DNER: variants seen among roughly 807,000 people sequenced by gnomAD.
DNER encodes the protein delta/notch like EGF repeat containing.
A neutral mutation model predicts 78.2 loss-of-function variants in DNER; 33 were observed. The ratio of observed to expected loss-of-function variants is 0.42; its 90% CI spans 0.32 to 0.56. The LOEUF is 0.56. Among genes scored for constraint, DNER ranks in the 20% least tolerant of loss-of-function variants. The pLI is 0.11. For missense variants in DNER, 918 were observed against 975.3 expected (o/e 0.94, Z 0.78); for synonymous variants, 417 against 384.8 (o/e 1.08, Z -0.98).
chr2:229,694,869 T>C (rs1699637332), intron 1 of DNER, among the ~76,000 whole-genome samples: 1 of 152,148 alleles, frequency 6.6e-6, no homozygotes. Context: ...TGGGAAGGCA[T>C]GATTGTGTTT....
At chr2:229,682,025 A>G (rs1246757446) in intron 1 of DNER, among the ~76,000 whole-genome samples, 1 of 152,232 alleles carries the variant, frequency 6.6e-6, no homozygotes, top group African/African-American at 2.4e-5. Flanking sequence ...AATCAAATGA[A>G]TAGAAATCAT....
chr2:229,612,680 C>T (rs543999396), intron 1 of DNER, among the ~76,000 whole-genome samples: 1 of 152,326 alleles, frequency 6.6e-6, no homozygotes, highest in African/African-American at 2.4e-5. Flanking sequence ...AGTTACCAGG[C>T]TATTTGGCCC....
rs142066500 is a variant in DNER at position 229,385,850 on chromosome 2, G to T, written c.1855+2415C>A. Among the ~76,000 whole-genome samples, 400 of 152,200 alleles carry T rather than the reference G, an allele frequency of 2.6e-3. 4 individuals carry two copies. Among genetic ancestry groups the T allele is most frequent in the Admixed American group, 0.018 (276 of 15,240 alleles). On this transcript the variant is annotated intron_variant, in intron 11 of 12. Transcript: ENST00000341772. ...CAAACAAATGAAAAAAACATTTCAT[G>T]CTCATGGATAGGAAGAATCAATATC...
At chr2:229,617,548 CAA>C (rs11302660) in intron 1 of DNER, among the ~76,000 whole-genome samples, 10 of 151,292 alleles carry the variant, frequency 6.6e-5, no homozygotes, top group African/African-American at 2.4e-4. Context: ...TTCTAACACA[CAA>C]AAAAAAAGTT....
chr2:229,577,749 G>A (rs2154214213), intron 4 of DNER, among the ~76,000 whole-genome samples: 1 of 152,296 alleles, frequency 6.6e-6, no homozygotes, highest in African/African-American at 2.4e-5. Context: ...GTGCCAGTGT[G>A]CTAGTAAGAA....
chr2:229,650,576 T>G (rs977961330), intron 1 of DNER, among the ~76,000 whole-genome samples: 1 of 152,176 alleles, frequency 6.6e-6, no homozygotes, highest in South Asian at 2.1e-4. Context: ...ATTTGGATGC[T>G]AAATCTCAGC....
chr2:229,418,417 G>C (rs112405356), intron 8 of DNER, among the ~76,000 whole-genome samples, 187 bp from the exon 9 acceptor site: 64 of 152,254 alleles, frequency 4.2e-4, no homozygotes, highest in African/African-American at 1.3e-3. Context: ...TGAAGAAAGC[G>C]CCTGTTCTTA....
intron 4 of DNER, among the ~76,000 whole-genome samples, chr2:229,566,555 T>G (rs1697112714): frequency 6.6e-6 from 1 of 152,170 alleles, no homozygotes. Flanking sequence ...TAGTTCATAT[T>G]AGCATTTGCA....
chr2:229,645,743 C>T (rs879473440), intron 1 of DNER, among the ~76,000 whole-genome samples: 2 of 152,196 alleles, frequency 1.3e-5, no homozygotes, highest in African/African-American at 2.4e-5. Context: ...CATTCATCCA[C>T]TCAGTAAAAT....
At chr2:229,671,923 C>G (rs1699216216) in intron 1 of DNER, among the ~76,000 whole-genome samples, 1 of 152,178 alleles carries the variant, frequency 6.6e-6, no homozygotes, top group Non-Finnish European at 1.5e-5. Flanking sequence ...ACAATATTAG[C>G]TGTTATACTT....
intron 1 of DNER, among the ~76,000 whole-genome samples, chr2:229,640,357 G>A (rs995118666): frequency 6.6e-6 from 1 of 152,168 alleles, no homozygotes; most frequent in African/African-American, 2.4e-5. Context: ...ATAGAAATGT[G>A]CCAAATTATT....
chr2:229,586,649 A>T (rs1697508567), intron 3 of DNER: 1 of 984,534 alleles, frequency 1.0e-6, no homozygotes, highest in Non-Finnish European at 1.2e-6. Flanking sequence ...CTCACAGCCC[A>T]ATGCTTCAGC....
At chr2:229,477,086 AG>A in intron 7 of DNER, 53 bp downstream of exon 7, 1 of 1,386,222 alleles carries the variant, frequency 7.2e-7, no homozygotes, top group Non-Finnish European at 1.0e-6. Flanking sequence ...TGATCAAATT[AG>A]TTTATGATTT....
At chr2:229,555,323 C>G (rs1696836788) in intron 4 of DNER, among the ~76,000 whole-genome samples, 1 of 152,130 alleles carries the variant, frequency 6.6e-6, no homozygotes, top group Non-Finnish European at 1.5e-5. Context: ...GGCCCTGAAC[C>G]ATGTAGACAC....
intron 7 of DNER, among the ~76,000 whole-genome samples, chr2:229,469,810 G>T (rs1694885771): frequency 6.6e-6 from 1 of 152,182 alleles, no homozygotes; most frequent in Non-Finnish European, 1.5e-5. Flanking sequence ...GGGCATGGTG[G>T]TGGGTGCCTG....
intron 1 of DNER, among the ~76,000 whole-genome samples, chr2:229,599,245 A>C (rs1340160568): frequency 6.6e-6 from 1 of 152,236 alleles, no homozygotes; most frequent in Non-Finnish European, 1.5e-5. Context: ...GGTATTAAGA[A>C]GGAAGTAAAG....
At chr2:229,556,019 A>G (rs1696849773) in intron 4 of DNER, among the ~76,000 whole-genome samples, 1 of 152,232 alleles carries the variant, frequency 6.6e-6, no homozygotes, top group South Asian at 2.1e-4. Context: ...CTACTTACTA[A>G]GCATTTAGAC....
At chr2:229,439,328 C>G (rs745602452) in intron 8 of DNER, among the ~76,000 whole-genome samples, 6 of 152,184 alleles carry the variant, frequency 3.9e-5, no homozygotes, top group African/African-American at 1.4e-4. Context: ...TCCCAAGTAA[C>G]GGAATATCCA....
rs1439383115 is a variant in DNER, at chr2:229,583,940, CAGT to C, written c.847+1915_847+1917del. On this transcript the variant is annotated intron_variant, in intron 4 of 12. Transcript: ENST00000341772. ...AATTTCTCTTTACCTTCTTTTCACCCAGTAAAATTCCTGCTCCCCCAGCTGGAC... is the reference window on the plus strand; with the variant it reads ...AATTTCTCTTTACCTTCTTTTCACCCAAAATTCCTGCTCCCCCAGCTGGAC... Among the ~76,000 whole-genome samples the C allele has an allele frequency of 3.9e-5, 6 of 152,292 alleles. No homozygotes were observed. The East Asian group carries it at 1.2e-3, about 29-fold the overall frequency.
Sources: gnomAD v4.1 joint callset for allele counts (sites outside exome capture counted in the v4.1 genomes callset) on GRCh38, gnomAD v4.1.1 for gene constraint, MANE v1.5 for transcripts, NCBI Gene and HGNC (gene_info 2026-07-23, HGNC 2026-07-21) for gene names.